ATP8A2: variants seen among roughly 807,000 people sequenced by gnomAD.
The protein encoded by ATP8A2 is phospholipid-transporting ATPase IB.
In ATP8A2, 100 loss-of-function variants were observed where a neutral mutation model predicts 165.6. That is an observed-to-expected ratio of 0.60 (90% CI 0.51 to 0.71). The LOEUF (loss-of-function observed/expected upper bound fraction) is 0.71. Ranked by LOEUF, ATP8A2 falls within the 30% of genes least tolerant of loss-of-function variation. ATP8A2 has a pLI of 0.00. For missense variants in ATP8A2, 1,227 were observed against 1,479.5 expected, an observed-to-expected ratio of 0.83 and a Z score of 2.80; for synonymous variants, 543 against 548.8, an observed-to-expected ratio of 0.99 and a Z score of 0.15.
intron 33 of ATP8A2, among the ~76,000 whole-genome samples, chr13:25,922,464 A>G (rs1443028358): frequency 6.6e-6 from 1 of 152,206 alleles, no homozygotes; most frequent in Non-Finnish European, 1.5e-5. Context: ...AAGGAAGTTG[A>G]CAACTATCAC....
At chr13:25,404,632 G>T (rs140330389) in intron 1 of ATP8A2, among the ~76,000 whole-genome samples, 2 of 152,128 alleles carry the variant, frequency 1.3e-5, no homozygotes, top group Non-Finnish European at 2.9e-5. Flanking sequence ...GGAGGCGAGC[G>T]TGCTGCTCAG....
chr13:25,837,217 C>G lies in ATP8A2; in HGVS notation c.2809C>G (p.Gln937Glu). Reference protein sequence around the residue: ...TLGIFERSCTQESMLRFPQLY... With the variant: ...TLGIFERSCTEESMLRFPQLY... The stretch of plus-strand genomic sequence containing the variant: ...GGGAATCTTTGAGAGGTCTTGCACT[C>G]AGGAGAGCATGCTCAGGTTTCCCCA... Residue 937 changes from glutamine (Q) to glutamate (E), a missense_variant, in exon 29 of 37, where the codon CAG becomes GAG. Around this residue, in one of 5 missense-constraint regions of ATP8A2, gnomAD observed 592 missense variants for 785.6 expected, o/e 0.75. Transcript: ENST00000381655. 1 of 1,614,092 alleles carries G rather than the reference C, an allele frequency of 6.2e-7. No individual in the cohort carries two copies. Among genetic ancestry groups the G allele is most frequent in the Non-Finnish European group, 8.5e-7 (1 of 1,179,990 alleles).
intron 27 of ATP8A2, among the ~76,000 whole-genome samples, chr13:25,827,419 G>A (rs972550210): frequency 1.3e-5 from 2 of 152,198 alleles, no homozygotes; most frequent in African/African-American, 4.8e-5. Flanking sequence ...GTCTCTGACA[G>A]TGTTTTATCC....
At chr13:25,453,501 G>T (rs1246868754) in intron 1 of ATP8A2, among the ~76,000 whole-genome samples, 2 of 152,050 alleles carry the variant, frequency 1.3e-5, no homozygotes, top group East Asian at 3.9e-4. Flanking sequence ...TTATGGCCTC[G>T]GGATTGGCTT....
chr13:25,820,071 CGTTT>C, intron 27 of ATP8A2, among the ~76,000 whole-genome samples: 1 of 152,264 alleles, frequency 6.6e-6, no homozygotes, highest in East Asian at 1.9e-4. Flanking sequence ...ATTAAGTAGT[CGTTT>C]GTTAAGTGTC....
At chr13:25,996,863 T>A (rs1956519737) in intron 35 of ATP8A2, among the ~76,000 whole-genome samples, 1 of 152,236 alleles carries the variant, frequency 6.6e-6, no homozygotes, top group Non-Finnish European at 1.5e-5. Flanking sequence ...TTTGTATTTT[T>A]AGTAGAGACA....
Position 25,638,800 on chromosome 13 carries a change from A to C in ATP8A2, c.2211+49101A>C, listed in dbSNP as rs1449326119. ...CAGAAGAGCAACCCCAAGACACATA[A>C]TTGTCAGATTCACCAAAGTTGAAAT... On this transcript the variant is annotated intron_variant, in intron 24 of 36. Transcript: ENST00000381655. 2.0e-5 allele frequency among the ~76,000 whole-genome samples: 3 copies of C among 152,264 alleles called. No homozygotes were observed. In the East Asian group the frequency reaches 5.8e-4, roughly 29 times the overall value.
chr13:25,950,004 T>C (rs1456031801), intron 33 of ATP8A2, among the ~76,000 whole-genome samples: 1 of 152,156 alleles, frequency 6.6e-6, no homozygotes, highest in African/African-American at 2.4e-5. Flanking sequence ...TTCACCATGT[T>C]GGCCAGGCTG....
At chr13:25,937,382 A>T (rs1206999728) in intron 33 of ATP8A2, among the ~76,000 whole-genome samples, 1 of 5,536 alleles carries the variant, frequency 1.8e-4, no homozygotes, top group Non-Finnish European at 4.2e-4. Flanking sequence ...TTTTTTTTGA[A>T]CAGCCCAATG....
chr13:25,986,033 C>G (rs764854033), intron 35 of ATP8A2, among the ~76,000 whole-genome samples: 5 of 152,190 alleles, frequency 3.3e-5, no homozygotes, highest in Non-Finnish European at 7.3e-5. Flanking sequence ...GGAGGATTCA[C>G]TAACCCACTG....
chr13:25,769,640 C>A (rs919040743), intron 26 of ATP8A2, among the ~76,000 whole-genome samples: 4 of 152,026 alleles, frequency 2.6e-5, no homozygotes, highest in African/African-American at 9.7e-5. Context: ...TCTCACTCCT[C>A]CCAAAGGTGT....
chr13:25,718,674 C>CA (rs1408710971), intron 25 of ATP8A2, among the ~76,000 whole-genome samples: 1 of 152,158 alleles, frequency 6.6e-6, no homozygotes, highest in African/African-American at 2.4e-5. Flanking sequence ...CCCCCTGAGA[C>CA]AGAGTGTGAA....
intron 24 of ATP8A2, among the ~76,000 whole-genome samples, chr13:25,642,826 G>A (rs139174235): frequency 0.035 from 5,261 of 152,254 alleles, 155 homozygotes; most frequent in East Asian, 0.13. Flanking sequence ...ATGTCCAACA[G>A]TGATAGACTG....
chr13:25,560,075 G>A (rs1228538890), intron 15 of ATP8A2, among the ~76,000 whole-genome samples: 2 of 151,984 alleles, frequency 1.3e-5, no homozygotes, highest in South Asian at 2.1e-4. Context: ...CTATCCTCCC[G>A]CTGTGTCTTC....
intron 1 of ATP8A2, among the ~76,000 whole-genome samples, chr13:25,403,342 G>A (rs763291897): frequency 1.3e-5 from 2 of 152,274 alleles, no homozygotes; most frequent in Non-Finnish European, 1.5e-5. Flanking sequence ...TTGTTACAGC[G>A]GGAGGAAGAG....
chr13:25,532,557 GTTT>G (rs913675055), intron 5 of ATP8A2, among the ~76,000 whole-genome samples: 1 of 152,162 alleles, frequency 6.6e-6, no homozygotes, highest in Non-Finnish European at 1.5e-5. Flanking sequence ...GAACTAGACA[GTTT>G]TTATGTCCAT....
chr13:25,841,973 G>A (rs1951754795), intron 30 of ATP8A2, among the ~76,000 whole-genome samples: 1 of 152,080 alleles, frequency 6.6e-6, no homozygotes, highest in Non-Finnish European at 1.5e-5. Context: ...TCATGAGGGT[G>A]GCGCCCCCAT....
chr13:25,594,982 G>GTATATATATATATATATA (rs1275140289), intron 24 of ATP8A2, among the ~76,000 whole-genome samples: 1 of 82,512 alleles, frequency 1.2e-5, no homozygotes, highest in African/African-American at 4.7e-5. Flanking sequence ...GTGTGTGTGT[G>GTATATATATATATATATA]TGTATATATA....
At chr13:25,627,682 T>G (rs545131427) in intron 24 of ATP8A2, among the ~76,000 whole-genome samples, 3 of 152,288 alleles carry the variant, frequency 2.0e-5, no homozygotes, top group African/African-American at 7.2e-5. Context: ...TGCCTGTTGT[T>G]TAAGCCACCC....
Sources: gnomAD v4.1 joint callset for allele counts (sites outside exome capture counted in the v4.1 genomes callset) on GRCh38, gnomAD v4.1.1 for gene constraint, gnomAD v4.1.1 regional missense constraint, MANE v1.5 for transcripts, NCBI Gene and HGNC (gene_info 2026-07-23, HGNC 2026-07-21) for gene names.